CRYZL1: variants seen among roughly 807,000 people sequenced by gnomAD.
The protein encoded by CRYZL1 is crystallin zeta like 1.
In CRYZL1, 34 loss-of-function variants were observed where a neutral mutation model predicts 50.6. The ratio of observed to expected loss-of-function variants is 0.67; its 90% CI spans 0.51 to 0.89. CRYZL1 has a LOEUF of 0.89. Among genes scored for constraint, CRYZL1 ranks in the 40% least tolerant of loss-of-function variants. CRYZL1 has a pLI of 0.00. For missense variants in CRYZL1, 354 were observed against 402.3 expected (o/e 0.88, Z 1.03); for synonymous variants, 125 against 134.3 (o/e 0.93, Z 0.48).
At chr21:33,618,022 G>T (rs2086953920) in intron 4 of CRYZL1, among the ~76,000 whole-genome samples, 1 of 152,276 alleles carries the variant, frequency 6.6e-6, no homozygotes. Context: ...GGGCGCGGTG[G>T]CTCACGCCTG....
At chr21:33,593,929 G>A (rs1227821318) in intron 11 of CRYZL1, among the ~76,000 whole-genome samples, 2 of 129,666 alleles carry the variant, frequency 1.5e-5, no homozygotes, top group African/African-American at 5.6e-5. Flanking sequence ...AGGTTGCAGT[G>A]AGCCAAGCTC....
At chr21:33,595,891 G>T in intron 10 of CRYZL1, 55 bp from the exon 11 acceptor site, 2 of 1,182,338 alleles carry the variant, frequency 1.7e-6, no homozygotes, top group South Asian at 1.2e-5. Context: ...ACAGCAGGAT[G>T]ACTGGTATCT....
At chr21:33,641,152 C>G in intron 1 of CRYZL1, 14 of 1,549,988 alleles carry the variant, frequency 9.0e-6, no homozygotes, top group Non-Finnish European at 1.0e-5. Context: ...CGGCCCCGAC[C>G]CAGACCTATC....
intron 2 of CRYZL1, among the ~76,000 whole-genome samples, chr21:33,628,981 G>C (rs1437383714): frequency 6.6e-6 from 1 of 151,756 alleles, no homozygotes; most frequent in East Asian, 1.9e-4. Flanking sequence ...TATAATTCCA[G>C]CACTTTGGGA....
At position 33,631,108 on chromosome 21, in the gene CRYZL1, C is replaced by T. The variant is rs142821904; in HGVS notation, c.66+378G>A. On this transcript the variant is annotated intron_variant, in intron 2 of 12. Transcript: ENST00000381554. ...ACAGCAAGGTGACTATAGTTAACAA[C>T]GTATTGCATATTTCAAAATAGCTAG... is the stretch of plus-strand genomic sequence containing the variant. Among the ~76,000 whole-genome samples, 574 of 152,106 alleles carry T rather than the reference C, an allele frequency of 3.8e-3. 5 individuals are homozygous for T. The highest frequency in any genetic ancestry group is 0.013 in the African/African-American group (541 of 41,476).
rs145812971 is a variant in CRYZL1 at position 33,605,709 on chromosome 21, A to C, written c.332-2172T>G. On this transcript the variant is annotated intron_variant, in intron 6 of 12. Transcript: ENST00000381554. Reference sequence around the variant, plus strand: ...GCTAATTTTTGTATTTTTTTAGTAGAGACGGGGTTTCACCATGTTGGCCAG... The same window carrying C: ...GCTAATTTTTGTATTTTTTTAGTAGCGACGGGGTTTCACCATGTTGGCCAG... Among the ~76,000 whole-genome samples, 19 of 150,680 alleles carry C rather than the reference A, an allele frequency of 1.3e-4. No individual in the cohort carries two copies. In the East Asian group the frequency reaches 3.7e-3, roughly 29 times the overall value.
Position 33,589,863 on chromosome 21 carries a change from G to C in CRYZL1, c.1009C>G (p.Gln337Glu), listed in dbSNP as rs542522364. ...TGCTTTTTTCTTCCTTGATTTTTCT[G>C]AACAGCTTCCATGGAAACTTTTGCC... Reference protein sequence around the residue: ...YEAKVSMEAVQKNQGRKKQVV... With the variant: ...YEAKVSMEAVEKNQGRKKQVV... The change falls in exon 13 of 13, where the codon CAG (glutamine) becomes GAG (glutamate). Residue 337 changes from glutamine (Q) to glutamate (E), a missense_variant. By Grantham distance (29) the Gln-to-Glu change is conservative. Coordinates refer to ENST00000381554, the MANE Select transcript of CRYZL1 (RefSeq NM_145858.3). The C allele has an allele frequency of 1.9e-6, 3 of 1,612,956 alleles. No homozygotes were observed. Among genetic ancestry groups the C allele is most frequent in the South Asian group, 2.2e-5 (2 of 90,834 alleles).
chr21:33,641,128 G>T (rs1358456557), intron 1 of CRYZL1: 9 of 1,548,144 alleles, frequency 5.8e-6, no homozygotes, highest in Non-Finnish European at 7.8e-6. Context: ...GAGCTTCTTA[G>T]AAACGCAGAT....
intron 1 of CRYZL1, among the ~76,000 whole-genome samples, chr21:33,637,664 G>C (rs993885146): frequency 6.0e-5 from 9 of 150,718 alleles, no homozygotes; most frequent in Non-Finnish European, 1.3e-4. Context: ...TAATACTATG[G>C]CCACTCCAGG....
chr21:33,613,706 A>C (rs568426153), intron 5 of CRYZL1, 100 bp from the exon 6 acceptor site: 1 of 843,100 alleles, frequency 1.2e-6, no homozygotes, highest in African/African-American at 1.7e-5. Flanking sequence ...AATTTTGAGG[A>C]AGGTTCCAGT....
intron 4 of CRYZL1, among the ~76,000 whole-genome samples, chr21:33,618,431 TTGTTGAATGCCTCC>T (rs1271961632): frequency 6.6e-6 from 1 of 152,164 alleles, no homozygotes; most frequent in East Asian, 1.9e-4. Context: ...ACTCCAAATA[TTGTTGAATGCCTCC>T]TTGTGCCCAG....
At chr21:33,633,448 G>C (rs933240502) in intron 1 of CRYZL1, among the ~76,000 whole-genome samples, 1 of 151,184 alleles carries the variant, frequency 6.6e-6, no homozygotes, top group Non-Finnish European at 1.5e-5. Context: ...TTGCAACAGA[G>C]TCTTGCTCTG....
intron 6 of CRYZL1, 122 bp from the exon 7 acceptor site, chr21:33,603,659 C>G (rs2145925630): frequency 1.0e-6 from 1 of 971,362 alleles, no homozygotes; most frequent in South Asian, 1.6e-5. Flanking sequence ...CTCCCATTCT[C>G]TCTCACCTAC....
In CRYZL1 at chr21:33,633,018, C is replaced by T. The variant is rs576053884; in HGVS notation, c.-6-1461G>A. ...TCTTTAATGTCTGTTTTCTTTCTTT[C>T]TATATTAGGTTTGTGAGTCTCACTC... On this transcript the variant is annotated intron_variant, in intron 1 of 12. Coordinates refer to ENST00000381554, the MANE Select transcript of CRYZL1 (RefSeq NM_145858.3). Among the ~76,000 whole-genome samples the T allele has an allele frequency of 3.3e-5, 5 of 152,024 alleles. No homozygotes were observed. In the South Asian group the frequency reaches 1.0e-3, roughly 31 times the overall value.
chr21:33,627,486 T>A (rs1373310032), intron 2 of CRYZL1, among the ~76,000 whole-genome samples: 2 of 152,174 alleles, frequency 1.3e-5, no homozygotes, highest in Non-Finnish European at 2.9e-5. Context: ...GAAATACTGA[T>A]TTACATATAA....
chr21:33,616,640 A>G, intron 5 of CRYZL1, 66 bp downstream of exon 5: 1 of 1,602,678 alleles, frequency 6.2e-7, no homozygotes, highest in Non-Finnish European at 8.5e-7. Flanking sequence ...ATTAATAGTT[A>G]TATAGAAAAA....
At chr21:33,599,286 C>G (rs2086727171) in intron 8 of CRYZL1, 38 bp from the exon 9 acceptor site, 3 of 1,613,164 alleles carry the variant, frequency 1.9e-6, no homozygotes, top group South Asian at 1.1e-5. Context: ...GTACTGTTCT[C>G]TATGTGATCA....
In CRYZL1 at chr21:33,606,463, T is replaced by TAA. The variant is rs2145929267; in HGVS notation, c.332-2928_332-2927dup. ...CAACATGGTGAAACCCCGTCTCTAC[T>TAA]AAAAATACAAAAATTAGCCAGGCAT... is the stretch of plus-strand genomic sequence containing the variant. On this transcript the variant is annotated intron_variant, in intron 6 of 12. Coordinates refer to ENST00000381554, the MANE Select transcript of CRYZL1 (RefSeq NM_145858.3). Among the ~76,000 whole-genome samples, 3 of 151,384 alleles carry TAA rather than the reference T, an allele frequency of 2.0e-5. 1 individual carries two copies. In the East Asian group the frequency reaches 5.9e-4, roughly 30 times the overall value.
At chr21:33,640,028 G>A in intron 1 of CRYZL1, 1 of 843,554 alleles carries the variant, frequency 1.2e-6, no homozygotes, top group East Asian at 3.3e-5. Context: ...GTTTCACCAT[G>A]TTGGCCAGGC....
Sources: gnomAD v4.1 joint callset for allele counts (sites outside exome capture counted in the v4.1 genomes callset) on GRCh38, gnomAD v4.1.1 for gene constraint, MANE v1.5 for transcripts, NCBI Gene and HGNC (gene_info 2026-07-23, HGNC 2026-07-21) for gene names.